The following FAM117B variants were observed in gnomAD, a reference collection of about 807,000 sequenced individuals.
The protein encoded by FAM117B is protein FAM117B.
In FAM117B, 22 loss-of-function variants were observed where a neutral mutation model predicts 52.8. The observed-to-expected ratio is 0.42, with a 90% CI of 0.30 to 0.59. The LOEUF (loss-of-function observed/expected upper bound fraction) is 0.59. FAM117B is among the 20% of genes least tolerant of loss of function. The pLI is 0.22. For synonymous variants in FAM117B, 309 were observed against 324.1 expected, an observed-to-expected ratio of 0.95 and a Z score of 0.50; for missense variants, 678 against 802.6, an observed-to-expected ratio of 0.84 and a Z score of 1.88.
intron 4 of FAM117B, among the ~76,000 whole-genome samples, chr2:202,748,992 C>T (rs1415689018): frequency 6.6e-6 from 1 of 151,510 alleles, no homozygotes; most frequent in Non-Finnish European, 1.5e-5. Flanking sequence ...GTGTATTCTA[C>T]AATATAAAAA....
chr2:202,664,446 C>A (rs538825526), intron 1 of FAM117B, among the ~76,000 whole-genome samples: 2 of 152,070 alleles, frequency 1.3e-5, no homozygotes, highest in Non-Finnish European at 2.9e-5. Flanking sequence ...TGGCACAAGA[C>A]GAGAATGAGA....
At chr2:202,720,459 T>C (rs1333008609) in intron 2 of FAM117B, among the ~76,000 whole-genome samples, 1 of 151,818 alleles carries the variant, frequency 6.6e-6, no homozygotes. Flanking sequence ...GTTGGAGATA[T>C]GACATTTTTA....
At chr2:202,673,461 T>TTTTTTTC (rs1559099191) in intron 1 of FAM117B, among the ~76,000 whole-genome samples, 29 of 120,504 alleles carry the variant, frequency 2.4e-4, no homozygotes, top group African/African-American at 7.8e-4. Context: ...TTTTTTTTTT[T>TTTTTTTC]TTTTGAGACG....
chr2:202,651,375 CCTT>C (rs1559094452), intron 1 of FAM117B, among the ~76,000 whole-genome samples: 1 of 141,296 alleles, frequency 7.1e-6, no homozygotes. Context: ...ATTTACCATT[CCTT>C]TTTTTTTTTT....
intron 4 of FAM117B, among the ~76,000 whole-genome samples, chr2:202,750,211 A>G (rs111414118): frequency 6.6e-6 from 1 of 152,086 alleles, no homozygotes; most frequent in African/African-American, 2.4e-5. Context: ...CATATGACCT[A>G]ATTTAAACTT....
intron 4 of FAM117B, among the ~76,000 whole-genome samples, chr2:202,732,533 T>C (rs924621857): frequency 8.5e-5 from 13 of 152,154 alleles, no homozygotes; most frequent in African/African-American, 3.1e-4. Flanking sequence ...GAAAACATTA[T>C]GCTGGCCAGG....
At chr2:202,692,517 A>G (rs999782721) in intron 1 of FAM117B, among the ~76,000 whole-genome samples, 1 of 152,242 alleles carries the variant, frequency 6.6e-6, no homozygotes, top group African/African-American at 2.4e-5. Context: ...AAAGGACAAA[A>G]TTTCAAAATA....
At chr2:202,644,752 A>G (rs1175378011) in intron 1 of FAM117B, among the ~76,000 whole-genome samples, 1 of 152,224 alleles carries the variant, frequency 6.6e-6, no homozygotes, top group Non-Finnish European at 1.5e-5. Flanking sequence ...GGGTATTGAA[A>G]GCACTTCATC....
intron 4 of FAM117B, among the ~76,000 whole-genome samples, chr2:202,733,694 C>T (rs1691394387): frequency 6.6e-6 from 1 of 152,152 alleles, no homozygotes; most frequent in Non-Finnish European, 1.5e-5. Context: ...TCCCTTGTTC[C>T]CTAAAATCGC....
chr2:202,755,010 G>C (rs900185533), intron 4 of FAM117B, among the ~76,000 whole-genome samples: 2 of 151,944 alleles, frequency 1.3e-5, no homozygotes, highest in African/African-American at 4.8e-5. Flanking sequence ...CATGGTGGAA[G>C]GCAAAGGGGG....
chr2:202,729,418 A>G (rs888964725), intron 4 of FAM117B, among the ~76,000 whole-genome samples: 5 of 152,150 alleles, frequency 3.3e-5, no homozygotes, highest in Admixed American at 1.3e-4. Flanking sequence ...TGGGTTCTCT[A>G]TCTAGTGGAG....
chr2:202,766,061 AACACACACAC>A lies in FAM117B; in HGVS notation c.*334_*343del, dbSNP rs34556556. ...TTGTTTTCGAATTAGACTTCTTTAA[AACACACACAC>A]ACACACACACACACACACACACACA... is the stretch of plus-strand genomic sequence containing the variant. On this transcript the variant is annotated 3_prime_UTR_variant, in exon 8 of 8. Transcript: ENST00000392238. 6,181 of 203,052 alleles carry A rather than the reference AACACACACAC, an allele frequency of 0.03. 279 individuals carry two copies. Among genetic ancestry groups the A allele is most frequent in the African/African-American group, 0.12 (4,667 of 39,806 alleles). 12.6% of individuals were successfully genotyped at this position (203,052 alleles called of 1,614,324 possible). A position where few individuals can be genotyped will look rare whatever the true frequency, so the allele number is the denominator to read the frequency against.
intron 1 of FAM117B, among the ~76,000 whole-genome samples, chr2:202,676,010 A>C (rs1690373422): frequency 6.6e-6 from 1 of 151,170 alleles, no homozygotes; most frequent in Non-Finnish European, 1.5e-5. Context: ...AAAAAAGAAT[A>C]TAGCAAAAGT....
At chr2:202,749,835 A>C (rs936712869) in intron 4 of FAM117B, among the ~76,000 whole-genome samples, 18 of 152,138 alleles carry the variant, frequency 1.2e-4, no homozygotes, top group Non-Finnish European at 4.4e-5. Context: ...CTCAGGGCAG[A>C]CTTTTTATGG....
intron 1 of FAM117B, among the ~76,000 whole-genome samples, chr2:202,672,988 C>T (rs1040786934): frequency 5.9e-5 from 9 of 152,154 alleles, no homozygotes; most frequent in South Asian, 2.1e-4. Flanking sequence ...GTCGAGGCTA[C>T]GGTAAACTGC....
chr2:202,741,381 G>A (rs1463736247), intron 4 of FAM117B, among the ~76,000 whole-genome samples: 4 of 110,560 alleles, frequency 3.6e-5, no homozygotes, highest in South Asian at 3.3e-4. Context: ...TCATGCCACT[G>A]CACTCTAGCC....
chr2:202,678,067 GAT>G (rs1052334546), intron 1 of FAM117B, among the ~76,000 whole-genome samples: 15 of 152,204 alleles, frequency 9.9e-5, no homozygotes, highest in African/African-American at 3.6e-4. Flanking sequence ...ATATTAATAT[GAT>G]ATATATTATC....
At chr2:202,636,061 T>C (rs192611509) in intron 1 of FAM117B, among the ~76,000 whole-genome samples, 197 of 147,738 alleles carry the variant, frequency 1.3e-3, no homozygotes, top group African/African-American at 4.7e-3. Context: ...AACCTTGGGC[T>C]TGAGCTGATG....
intron 1 of FAM117B, among the ~76,000 whole-genome samples, chr2:202,659,048 C>G (rs1427566084): frequency 2.0e-5 from 3 of 151,916 alleles, no homozygotes; most frequent in African/African-American, 7.3e-5. Context: ...TCTCTGTCTC[C>G]CAGGCTGGAG....
Sources: allele counts gnomAD v4.1 joint callset (sites outside exome capture counted in the v4.1 genomes callset), GRCh38; gene constraint gnomAD v4.1.1; transcripts MANE v1.5; gene names NCBI Gene and HGNC (gene_info 2026-07-23, HGNC 2026-07-21).